The following RO60 variants were observed in gnomAD, a reference collection of about 807,000 sequenced individuals.
The protein encoded by RO60 is Ro60, Y RNA binding protein, also known as RNA-binding protein RO60.
RO60 carries 20 observed loss-of-function variants against 55.3 expected under a neutral mutation model. The observed-to-expected ratio is 0.36, with a 90% CI of 0.25 to 0.53. RO60 has a LOEUF of 0.53. RO60 is among the 20% of genes least tolerant of loss of function. The pLI, the probability that RO60 is intolerant of heterozygous loss-of-function variation, is 0.92. For synonymous variants in RO60, 213 were observed against 213.6 expected, an observed-to-expected ratio of 1.00 and a Z score of 0.02; for missense variants, 558 against 646.6, an observed-to-expected ratio of 0.86 and a Z score of 1.49.
intron 5 of RO60, 147 bp from the exon 6 acceptor site, chr1:193,081,217 A>G: frequency 2.3e-6 from 1 of 443,644 alleles, no homozygotes; most frequent in Non-Finnish European, 4.1e-6. Flanking sequence ...CCAGATGAGC[A>G]TTTTTAAATA....
chr1:193,089,869 G>T lies in RO60; in HGVS notation c.*5138G>T, dbSNP rs187267137. ...TCACCAGGCTGGAGTGCGGTGGCGC[G>T]ATCTCAGCTCACTGCAACCTCCATT... On this transcript the variant is annotated 3_prime_UTR_variant, in exon 9 of 9. Transcript: ENST00000400968. 6.7e-6 allele frequency: 1 copy of T among 149,776 alleles called. No individual in the cohort carries two copies. The highest frequency in any genetic ancestry group is 1.5e-5 in the Non-Finnish European group (1 of 67,682). 9.3% of individuals were successfully genotyped at this position (149,776 alleles called of 1,614,324 possible).
At chr1:193,084,236 C>T (rs557399817) in intron 8 of RO60, among the ~76,000 whole-genome samples, 12 of 152,268 alleles carry the variant, frequency 7.9e-5, no homozygotes, top group African/African-American at 2.4e-4. Flanking sequence ...TACACACTGC[C>T]CCAGCATTTG....
In RO60 at chr1:193,090,812, T is replaced by C. The variant is rs932793078; in HGVS notation, c.*6081T>C. The C allele has an allele frequency of 2.0e-5, 3 of 152,148 alleles. No individual in the cohort carries two copies. Among genetic ancestry groups the C allele is most frequent in the Non-Finnish European group, 2.9e-5 (2 of 67,980 alleles). 9.4% of individuals were successfully genotyped at this position (152,148 alleles called of 1,614,324 possible). ...TACTAGTTACTTTCCTTGGGGTCTG[T>C]TTAAATAATGCCTTAATAGTGTTCT... On this transcript the variant is annotated 3_prime_UTR_variant, in exon 9 of 9. Coordinates refer to ENST00000400968, the MANE Select transcript of RO60 (RefSeq NM_001173524.2).
rs371477299 is a variant in RO60, at chr1:193,081,523, T to C, written c.1203+43T>C. On this transcript the variant is annotated intron_variant, in intron 6 of 8. Coordinates refer to ENST00000400968, the MANE Select transcript of RO60 (RefSeq NM_001173524.2). ...AATTTTGCCATTCTAAAAACATGTTTACTGTAGAGCAAAACTATAAGATTA... is the reference window on the plus strand; with the variant it reads ...AATTTTGCCATTCTAAAAACATGTTCACTGTAGAGCAAAACTATAAGATTA... 91 of 1,068,350 alleles carry C rather than the reference T, an allele frequency of 8.5e-5. No individual in the cohort carries two copies. The Middle Eastern group carries it at 1.2e-3, about 14-fold the overall frequency. The allele number at this position is 1,068,350 out of a possible 1,614,324, so 66.2% of individuals were successfully genotyped here.
At position 193,085,353 on chromosome 1, in the gene RO60, C is replaced by G. The variant is rs893004970; in HGVS notation, c.*622C>G. ...TTTTATTTCTGATGTTTTATTTGCA[C>G]TTGTGGAATATGTTACCATTAATCA... On this transcript the variant is annotated 3_prime_UTR_variant, in exon 9 of 9. Coordinates refer to ENST00000400968, the MANE Select transcript of RO60 (RefSeq NM_001173524.2). The G allele has an allele frequency of 2.6e-5, 26 of 1,008,284 alleles. No individual in the cohort carries two copies. The African/African-American group carries it at 4.5e-4, about 17-fold the overall frequency. 62.5% of individuals were successfully genotyped at this position (1,008,284 alleles called of 1,614,324 possible).
In RO60 at chr1:193,089,364, C is replaced by T. The variant is rs1265563010; in HGVS notation, c.*4633C>T. 1.3e-5 allele frequency: 2 copies of T among 152,016 alleles called. No homozygotes were observed. Among genetic ancestry groups the T allele is most frequent in the Admixed American group, 1.3e-4 (2 of 15,272 alleles). 9.4% of individuals were successfully genotyped at this position (152,016 alleles called of 1,614,324 possible). A position where few individuals can be genotyped will look rare whatever the true frequency, so the allele number is the denominator to read the frequency against. On this transcript the variant is annotated 3_prime_UTR_variant, in exon 9 of 9. Coordinates refer to ENST00000400968, the MANE Select transcript of RO60 (RefSeq NM_001173524.2). Reference sequence around the variant, plus strand: ...ATTTCACTGAGCATATATAGAGATACGTTGCTTGTGGCATAAAAAGTCTTG... The same window carrying T: ...ATTTCACTGAGCATATATAGAGATATGTTGCTTGTGGCATAAAAAGTCTTG...
chr1:193,076,040 G>A lies in RO60; in HGVS notation c.801G>A (p.Glu267=). 1 of 1,591,172 alleles carries A rather than the reference G, an allele frequency of 6.3e-7. No individual in the cohort carries two copies. Among genetic ancestry groups the A allele is most frequent in the Non-Finnish European group, 8.6e-7 (1 of 1,166,678 alleles). The change falls in exon 3 of 9, where the codon GAG becomes GAA. Residue 267 remains glutamate (E), a splice_region_variant and synonymous_variant. Transcript: ENST00000400968. The stretch of plus-strand genomic sequence containing the variant: ...TAACAAATCACTTAAAGTCTAAAGA[G>A]GTGAGTGAATTATATGTTACAGCAT... The part of the protein sequence containing the change: ...HLLTNHLKSK[E]VWKALLQEMP...
chr1:193,071,763 T>C lies in RO60; in HGVS notation c.580+2129T>C, dbSNP rs539356622. Among the ~76,000 whole-genome samples the C allele has an allele frequency of 2.5e-4, 37 of 148,382 alleles. No individual in the cohort carries two copies. In the East Asian group the frequency reaches 5.8e-3, roughly 23 times the overall value. On this transcript the variant is annotated intron_variant, in intron 2 of 8. Transcript: ENST00000400968. ...ATATACACCTATATATTGTATAATA[T>C]AGTATATATAATATATAATGTTAGT... is the stretch of plus-strand genomic sequence containing the variant.
At chr1:193,064,192 C>T (rs1042184000) in intron 1 of RO60, among the ~76,000 whole-genome samples, 1 of 152,210 alleles carries the variant, frequency 6.6e-6, no homozygotes, top group Non-Finnish European at 1.5e-5. Context: ...GAGGTTTCAT[C>T]ACATGGGCAT....
At chr1:193,061,781 A>C (rs2103012900) in intron 1 of RO60, among the ~76,000 whole-genome samples, 1 of 152,224 alleles carries the variant, frequency 6.6e-6, no homozygotes, top group Middle Eastern at 3.4e-3. Context: ...TCAGGAGTTC[A>C]AGACCAGCCT....
intron 1 of RO60, among the ~76,000 whole-genome samples, chr1:193,061,085 A>G (rs1300060684): frequency 6.6e-6 from 1 of 152,230 alleles, no homozygotes; most frequent in African/African-American, 2.4e-5. Flanking sequence ...GATGCCTTTC[A>G]TTATGTTAAC....
In RO60 at chr1:193,085,264, A is replaced by G. The variant is rs2103080696; in HGVS notation, c.*533A>G. 1 of 1,119,088 alleles carries G rather than the reference A, an allele frequency of 8.9e-7. No homozygotes were observed. Among genetic ancestry groups the G allele is most frequent in the African/African-American group, 1.6e-5 (1 of 62,576 alleles). 69.3% of individuals were successfully genotyped at this position (1,119,088 alleles called of 1,614,324 possible). A position where few individuals can be genotyped will look rare whatever the true frequency, so the allele number is the denominator to read the frequency against. On this transcript the variant is annotated 3_prime_UTR_variant, in exon 9 of 9. Coordinates refer to ENST00000400968, the MANE Select transcript of RO60 (RefSeq NM_001173524.2). ...GATTAAATTATGAATGAGTTTTACA[A>G]ATTCCTTTCAGAGTTTTACTAAGAT...
intron 1 of RO60, among the ~76,000 whole-genome samples, chr1:193,066,951 AGT>A (rs1157822380): frequency 5.9e-5 from 9 of 151,954 alleles, no homozygotes; most frequent in African/African-American, 1.7e-4. Context: ...TTATTTAGAC[AGT>A]ATTATTTTAT....
Position 193,082,684 on chromosome 1 carries a change from T to C in RO60, c.1440T>C (p.Ala480=). ...NETFAGGVHP[A]IALREYRKKM... Reference sequence around the variant, plus strand: ...CCTTTGCTGGAGGTGTCCATCCTGCTATTGCTCTGAGGGAGTATCGAAAGG... The same window carrying C: ...CCTTTGCTGGAGGTGTCCATCCTGCCATTGCTCTGAGGGAGTATCGAAAGG... Residue 480 remains alanine (A), a synonymous_variant, in exon 8 of 9, where the codon GCT becomes GCC. Transcript: ENST00000400968. 3 of 1,613,658 alleles carry C rather than the reference T, an allele frequency of 1.9e-6. No individual in the cohort carries two copies. The highest frequency in any genetic ancestry group is 1.1e-5 in the South Asian group (1 of 91,052).
At position 193,085,911 on chromosome 1, in the gene RO60, C is replaced by T; in HGVS notation, c.*1180C>T. 1.0e-6 allele frequency: 1 copy of T among 985,046 alleles called. No individual in the cohort carries two copies. Among genetic ancestry groups the T allele is most frequent in the South Asian group, 4.7e-5 (1 of 21,282 alleles). The allele number at this position is 985,046 out of a possible 1,614,324, so 61.0% of individuals were successfully genotyped here. A position where few individuals can be genotyped will look rare whatever the true frequency, so the allele number is the denominator to read the frequency against. On this transcript the variant is annotated 3_prime_UTR_variant, in exon 9 of 9. Transcript: ENST00000400968. ...TGTATGTATTAAACTTTTCATTACA[C>T]TAAAGTGCATTATTTTATTGAGCAA...
chr1:193,084,895 G>T lies in RO60; in HGVS notation c.*164G>T. 6.8e-7 allele frequency: 1 copy of T among 1,474,038 alleles called. No homozygotes were observed. The highest frequency in any genetic ancestry group is 1.4e-5 in the South Asian group (1 of 71,784). 91.3% of individuals were successfully genotyped at this position (1,474,038 alleles called of 1,614,324 possible). On this transcript the variant is annotated 3_prime_UTR_variant, in exon 9 of 9. Coordinates refer to ENST00000400968, the MANE Select transcript of RO60 (RefSeq NM_001173524.2). ...AAAAAAAAAGAAGGAAAAATAAGAT[G>T]GGCCCAAAGGTCTATCTACTAAACT...
chr1:193,080,717 G>A (rs1674248066), intron 5 of RO60, among the ~76,000 whole-genome samples: 1 of 152,070 alleles, frequency 6.6e-6, no homozygotes, highest in Non-Finnish European at 1.5e-5. Context: ...GCTACACCAT[G>A]GATAAATCTC....
In RO60 at chr1:193,084,598, AATTG is replaced by A. The variant is rs749264376; in HGVS notation, c.1489_1492del (p.Ile497PhefsTer4). The stretch of plus-strand genomic sequence containing the variant: ...CTACAGAAAATGGATATTCCAGCTA[AATTG>A]ATTGTTTGTGGAATGACATCAAATG... On this transcript the variant is annotated frameshift_variant, in exon 9 of 9. Transcript: ENST00000400968. LOFTEE classifies it high-confidence loss of function. 1 of 1,612,476 alleles carries A rather than the reference AATTG, an allele frequency of 6.2e-7. No homozygotes were observed. Among genetic ancestry groups the A allele is most frequent in the East Asian group, 2.2e-5 (1 of 44,860 alleles).
Position 193,088,162 on chromosome 1 carries a change from C to CTTTTTTTTTTT in RO60, c.*3452_*3462dup, listed in dbSNP as rs145943712. 7 of 44,376 alleles carry CTTTTTTTTTTT rather than the reference C, an allele frequency of 1.6e-4. No individual in the cohort carries two copies. Among genetic ancestry groups the CTTTTTTTTTTT allele is most frequent in the African/African-American group, 6.9e-4 (6 of 8,724 alleles). 2.7% of individuals were successfully genotyped at this position (44,376 alleles called of 1,614,324 possible). On this transcript the variant is annotated 3_prime_UTR_variant, in exon 9 of 9. Transcript: ENST00000400968. ...GGTGTGCACTGCACTACCACGCCTG[C>CTTTTTTTTTTT]TTTTTTTTTTTTTTTTTTTTTTTTT...
Sources: allele counts gnomAD v4.1 joint callset (sites outside exome capture counted in the v4.1 genomes callset), GRCh38; gene constraint gnomAD v4.1.1; transcripts MANE v1.5; gene names NCBI Gene and HGNC (gene_info 2026-07-23, HGNC 2026-07-21).